Variants in GTF2IRD2 observed in about 807,000 individuals in gnomAD.
GTF2IRD2 encodes the protein GTF2I repeat domain containing 2.
GTF2IRD2 carries 8 observed loss-of-function variants against 49.2 expected under a neutral mutation model. The observed-to-expected ratio is 0.16, with a 90% CI of 0.10 to 0.29. GTF2IRD2 has a LOEUF of 0.29. GTF2IRD2 is among the 10% of genes least tolerant of loss of function. The pLI, the probability that GTF2IRD2 is intolerant of heterozygous loss-of-function variation, is 1.00. For synonymous variants in GTF2IRD2, 47 were observed against 289.7 expected (o/e 0.16, Z 8.51); for missense variants, 130 against 725.7 (o/e 0.18, Z 9.43).
chr7:74,813,706 G>A (rs1487556970), intron 8 of GTF2IRD2, among the ~76,000 whole-genome samples: 338 of 111,322 alleles, frequency 3.0e-3, no homozygotes, highest in African/African-American at 8.7e-3. Flanking sequence ...AGTGGCCCAC[G>A]CCACCATGCC....
chr7:74,832,505 AC>A (rs1289664744), intron 3 of GTF2IRD2: 1 of 158,764 alleles, frequency 6.3e-6, no homozygotes, highest in East Asian at 2.2e-4. Flanking sequence ...TTTGGAAAGG[AC>A]TAAAGAGTAT....
At position 74,796,648 on chromosome 7, in the gene GTF2IRD2, G is replaced by A. The variant is rs1203643388; in HGVS notation, c.*14C>T. The A allele has an allele frequency of 5.6e-6, 4 of 719,902 alleles. No individual in the cohort carries two copies. The highest frequency in any genetic ancestry group is 1.0e-5 in the Non-Finnish European group (4 of 396,552). The allele number at this position is 719,902 out of a possible 1,614,324, so 44.6% of individuals were successfully genotyped here. On this transcript the variant is annotated 3_prime_UTR_variant, in exon 16 of 16. Coordinates refer to ENST00000451013, the MANE Select transcript of GTF2IRD2 (RefSeq NM_173537.5). ...CTTTCCCACCATAGGGCCCTGCCAG[G>A]AGTTTTCTCTCCATCACGTTGCGAT...
intron 1 of GTF2IRD2, among the ~76,000 whole-genome samples, chr7:74,840,067 C>CTTTTTTTTTTTTTTTT (rs1165672995): frequency 1.4e-5 from 1 of 70,120 alleles, no homozygotes; most frequent in Non-Finnish European, 2.4e-5. Flanking sequence ...GGTCCTATGT[C>CTTTTTTTTTTTTTTTT]TTTTTTTTTT....
Position 74,841,174 on chromosome 7 carries a change from GT to G in GTF2IRD2, c.-5-4792del, listed in dbSNP as rs1177792716. Among the ~76,000 whole-genome samples the G allele has an allele frequency of 2.9e-4, 39 of 135,142 alleles. 1 individual carries two copies. The highest frequency in any genetic ancestry group is 3.9e-4 in the African/African-American group (13 of 33,314). 88.7% of individuals were successfully genotyped at this position (135,142 alleles called of 152,430 possible). A position where few individuals can be genotyped will look rare whatever the true frequency, so the allele number is the denominator to read the frequency against. ...TTATTTTATATATATATATGTATTG[GT>G]TTTTTTTTTTGACATGGAGTCTCAC... On this transcript the variant is annotated intron_variant, in intron 1 of 15. Coordinates refer to ENST00000451013, the MANE Select transcript of GTF2IRD2 (RefSeq NM_173537.5).
intron 8 of GTF2IRD2, among the ~76,000 whole-genome samples, chr7:74,815,793 A>G (rs1302624397): frequency 6.2e-4 from 25 of 40,036 alleles, no homozygotes; most frequent in African/African-American, 2.2e-3. Context: ...AAAGAAAGAA[A>G]GAAGGAAAGA....
chr7:74,797,966 T>G lies in GTF2IRD2; in HGVS notation c.1546A>C (p.Ser516Arg), dbSNP rs1288879118. ...PEQKQVFANP[S>R]PTQKSPVQPV... The stretch of plus-strand genomic sequence containing the variant: ...TGCACGGGGGATTTCTGGGTTGGAC[T>G]TGGGTTTGCAAACACTTGTTTTTGC... The change falls in exon 16 of 16, where the codon AGT becomes CGT. Residue 516 changes from serine (S) to arginine (R), a missense_variant. Ser to Arg is a moderately radical substitution (Grantham distance 110). Transcript: ENST00000451013. The G allele has an allele frequency of 8.7e-7, 1 of 1,155,364 alleles. No homozygotes were observed. The highest frequency in any genetic ancestry group is 1.2e-6 in the Non-Finnish European group (1 of 823,338). The allele number at this position is 1,155,364 out of a possible 1,614,324, so 71.6% of individuals were successfully genotyped here.
At chr7:74,836,890 T>C (rs1209057099) in intron 1 of GTF2IRD2, among the ~76,000 whole-genome samples, 3 of 127,924 alleles carry the variant, frequency 2.3e-5, no homozygotes, top group African/African-American at 1.0e-4. Flanking sequence ...TCTTTCTTTC[T>C]TTTTTTTTTG....
At chr7:74,841,397 G>A (rs1296955088) in intron 1 of GTF2IRD2, among the ~76,000 whole-genome samples, 3 of 132,894 alleles carry the variant, frequency 2.3e-5, no homozygotes, top group African/African-American at 3.4e-5. Context: ...TCGAACTCCC[G>A]ACCTCAAGTG....
At chr7:74,831,504 TACACACACACACACACACACAC>T (rs4029807) in intron 3 of GTF2IRD2, among the ~76,000 whole-genome samples, 1 of 119,460 alleles carries the variant, frequency 8.4e-6, no homozygotes, top group African/African-American at 3.0e-5. Flanking sequence ...TCTCTGTACA[TACACACACACACACACACACAC>T]ACACACACAC....
chr7:74,796,233 A>G lies in GTF2IRD2; in HGVS notation c.*429T>C, dbSNP rs1584380298. On this transcript the variant is annotated 3_prime_UTR_variant, in exon 16 of 16. Coordinates refer to ENST00000451013, the MANE Select transcript of GTF2IRD2 (RefSeq NM_173537.5). ...ATACTGCAGATTATATTTCTGATTC[A>G]AAGTGGAAAAAAAACTGAAAAAAAA... The G allele has an allele frequency of 2.0e-5, 5 of 249,028 alleles. No individual in the cohort carries two copies. The East Asian group carries it at 5.5e-4, about 27-fold the overall frequency. 15.4% of individuals were successfully genotyped at this position (249,028 alleles called of 1,614,324 possible). A position where few individuals can be genotyped will look rare whatever the true frequency, so the allele number is the denominator to read the frequency against.
intron 1 of GTF2IRD2, among the ~76,000 whole-genome samples, chr7:74,838,379 ATT>A (rs3053908): frequency 2.8e-5 from 3 of 107,258 alleles, no homozygotes; most frequent in Admixed American, 1.8e-4. Flanking sequence ...TTTTGCCAAG[ATT>A]TTTTTTTTTT....
intron 1 of GTF2IRD2, among the ~76,000 whole-genome samples, chr7:74,840,734 T>C (rs1554421704): frequency 0.081 from 10,961 of 134,632 alleles, 2,427 homozygotes; most frequent in African/African-American, 0.33. Context: ...GACGCCAGCT[T>C]AGGAAGCACC....
intron 3 of GTF2IRD2, among the ~76,000 whole-genome samples, chr7:74,825,346 C>T (rs1269871610): frequency 1.7e-5 from 2 of 117,932 alleles, no homozygotes; most frequent in African/African-American, 6.5e-5. Context: ...TCCCGGCAGC[C>T]TCAAATTTCT....
intron 8 of GTF2IRD2, chr7:74,818,716 T>A (rs1486697171): frequency 6.7e-6 from 1 of 149,206 alleles, no homozygotes; most frequent in East Asian, 2.0e-4. Flanking sequence ...TCCCAAGGTG[T>A]TGGAGTTACA....
At chr7:74,809,951 G>A (rs1446026868) in intron 10 of GTF2IRD2, among the ~76,000 whole-genome samples, 5 of 46,414 alleles carry the variant, frequency 1.1e-4, no homozygotes, top group Middle Eastern at 0.01. Flanking sequence ...CTGCCACCAC[G>A]CCTGGCTAAT....
intron 1 of GTF2IRD2, among the ~76,000 whole-genome samples, chr7:74,841,814 T>TG (rs1464729668): frequency 1.4e-5 from 2 of 141,778 alleles, no homozygotes; most frequent in Non-Finnish European, 3.0e-5. Flanking sequence ...GGTTTCAGAG[T>TG]GATGAAAATG....
chr7:74,822,060 T>C (rs1305016091), intron 6 of GTF2IRD2: 1 of 343,448 alleles, frequency 2.9e-6, no homozygotes, highest in Non-Finnish European at 5.6e-6. Context: ...TGTTTTTTTT[T>C]TTTTGAGACG....
chr7:74,798,447 T>C (rs1797198154), intron 15 of GTF2IRD2, among the ~76,000 whole-genome samples, 182 bp from the exon 16 acceptor site: 1 of 151,838 alleles, frequency 6.6e-6, no homozygotes, highest in Admixed American at 6.6e-5. Context: ...AGCAAACCGC[T>C]GCCAGGATGC....
At chr7:74,840,461 G>A (rs1250997329) in intron 1 of GTF2IRD2, among the ~76,000 whole-genome samples, 1 of 64,364 alleles carries the variant, frequency 1.6e-5, no homozygotes, top group African/African-American at 9.1e-5. Flanking sequence ...GCACCCTGGG[G>A]ACGGCGACCC....
Sources: allele counts gnomAD v4.1 joint callset (sites outside exome capture counted in the v4.1 genomes callset), GRCh38; gene constraint gnomAD v4.1.1; transcripts MANE v1.5; gene names NCBI Gene and HGNC (gene_info 2026-07-23, HGNC 2026-07-21).